The following MYO1D variants were observed in gnomAD, a reference collection of about 807,000 sequenced individuals.
MYO1D encodes the protein myosin ID, also known as unconventional myosin-Id.
A neutral mutation model predicts 122.0 loss-of-function variants in MYO1D; 83 were observed. The ratio of observed to expected loss-of-function variants is 0.68; its 90% confidence interval spans 0.57 to 0.82. The LOEUF (loss-of-function observed/expected upper bound fraction) is 0.82, where lower values mean the gene tolerates loss of function less well. MYO1D is among the 40% of genes least tolerant of loss of function. MYO1D has a pLI of 0.00. For missense variants in MYO1D, 1,157 were observed against 1,269.5 expected (o/e 0.91, Z 1.35); for synonymous variants, 464 against 446.9 (o/e 1.04, Z -0.48).
rs112255446 is a variant in MYO1D, at chr17:32,635,131, G to GC, written c.2709+3590dup. On this transcript the variant is annotated intron_variant, in intron 20 of 21. Transcript: ENST00000318217. Reference sequence around the variant, plus strand: ...GAGACACTGTGTTCAATATGTTACTGCAAGATGAAACTCTAATGGTTTGCT... The same window carrying GC: ...GAGACACTGTGTTCAATATGTTACTGCCAAGATGAAACTCTAATGGTTTGCT... 8.6e-4 allele frequency among the ~76,000 whole-genome samples: 131 copies of GC among 152,312 alleles called. 1 individual carries two copies. Among genetic ancestry groups the GC allele is most frequent in the African/African-American group, 2.8e-3 (117 of 41,564 alleles).
chr17:32,500,102 C>T (rs560167376), intron 21 of MYO1D, among the ~76,000 whole-genome samples: 4 of 152,344 alleles, frequency 2.6e-5, no homozygotes, highest in South Asian at 4.1e-4. Context: ...CAGCTGCATG[C>T]GTGGTGCTGC....
intron 1 of MYO1D, among the ~76,000 whole-genome samples, chr17:32,850,130 A>T (rs2090973396): frequency 6.6e-6 from 1 of 152,116 alleles, no homozygotes; most frequent in Admixed American, 6.6e-5. Context: ...TTGGGAAATA[A>T]CTTTTTTTTT....
rs77746202 is a variant in MYO1D, at chr17:32,735,813, C to T, written c.1746+2440G>A. ...TATCACTAGTTTATCTGTATTAATACTTGCTTTCTTAAATTCTATGTTCTT... is the reference window on the plus strand; with the variant it reads ...TATCACTAGTTTATCTGTATTAATATTTGCTTTCTTAAATTCTATGTTCTT... On this transcript the variant is annotated intron_variant, in intron 14 of 21. Transcript: ENST00000318217. Among the ~76,000 whole-genome samples the T allele has an allele frequency of 7.4e-3, 1,131 of 151,966 alleles. 20 individuals carry two copies. The highest frequency in any genetic ancestry group is 0.026 in the African/African-American group (1,080 of 41,432).
intron 21 of MYO1D, among the ~76,000 whole-genome samples, chr17:32,557,966 A>T (rs999789250): frequency 2.0e-5 from 3 of 152,056 alleles, no homozygotes; most frequent in African/African-American, 7.2e-5. Context: ...GTTCCCATAA[A>T]ATGTTATTTA....
At chr17:32,726,435 G>C (rs1313505929) in intron 14 of MYO1D, among the ~76,000 whole-genome samples, 1 of 146,520 alleles carries the variant, frequency 6.8e-6, no homozygotes. Flanking sequence ...AAAAAGAAAA[G>C]AAAAAGAAAA....
chr17:32,590,365 G>A (rs567003381), intron 21 of MYO1D, among the ~76,000 whole-genome samples: 2 of 152,288 alleles, frequency 1.3e-5, no homozygotes, highest in Non-Finnish European at 2.9e-5. Context: ...TGCTCTGCCA[G>A]GGATCTCCTG....
At chr17:32,730,992 T>C (rs936648000) in intron 14 of MYO1D, among the ~76,000 whole-genome samples, 1 of 150,460 alleles carries the variant, frequency 6.6e-6, no homozygotes, top group Non-Finnish European at 1.5e-5. Flanking sequence ...CTGCAACCTC[T>C]GCCTCCCGGG....
chr17:32,763,857 T>C (rs767640743), intron 8 of MYO1D, among the ~76,000 whole-genome samples: 15 of 152,046 alleles, frequency 9.9e-5, no homozygotes, highest in Non-Finnish European at 1.6e-4. Context: ...GAGGTGGAGG[T>C]TGCAGTGAGC....
chr17:32,573,913 G>A (rs2087253611), intron 21 of MYO1D, among the ~76,000 whole-genome samples: 1 of 151,992 alleles, frequency 6.6e-6, no homozygotes, highest in African/African-American at 2.4e-5. Flanking sequence ...GTGCAGTGGC[G>A]CAATCTCGAC....
chr17:32,588,636 A>AT (rs912103421), intron 21 of MYO1D, among the ~76,000 whole-genome samples: 3 of 152,296 alleles, frequency 2.0e-5, no homozygotes, highest in Admixed American at 1.3e-4. Flanking sequence ...TGGTGAACTA[A>AT]TTTTTAAAAT....
intron 19 of MYO1D, among the ~76,000 whole-genome samples, chr17:32,650,562 T>A (rs1164942755): frequency 6.6e-6 from 1 of 152,176 alleles, no homozygotes; most frequent in Non-Finnish European, 1.5e-5. Context: ...TCTAACAGCT[T>A]CCTGATGCTT....
At chr17:32,633,882 A>G (rs925103977) in intron 20 of MYO1D, among the ~76,000 whole-genome samples, 2 of 151,990 alleles carry the variant, frequency 1.3e-5, no homozygotes, top group African/African-American at 4.8e-5. Flanking sequence ...CACACGTTCT[A>G]TCTTCTTTCC....
chr17:32,698,718 TTATTA>T (rs2089206678), intron 16 of MYO1D, among the ~76,000 whole-genome samples: 1 of 152,120 alleles, frequency 6.6e-6, no homozygotes, highest in Non-Finnish European at 1.5e-5. Context: ...TAATTAACAG[TTATTA>T]TATTATTCTC....
In MYO1D at chr17:32,630,873, G is replaced by A. The variant is rs370713102; in HGVS notation, c.2709+7849C>T. 7.1e-4 allele frequency among the ~76,000 whole-genome samples: 108 copies of A among 152,130 alleles called. 1 individual carries two copies. The highest frequency in any genetic ancestry group is 2.6e-3 in the Admixed American group (39 of 15,260). On this transcript the variant is annotated intron_variant, in intron 20 of 21. Transcript: ENST00000318217. ...CAGGCATGAGCCACCACGCCCTGCC[G>A]GTAGAGTTGTTCTTCTGACGGCTTC...
intron 1 of MYO1D, among the ~76,000 whole-genome samples, chr17:32,873,522 T>C (rs1205963940): frequency 6.6e-6 from 1 of 152,162 alleles, no homozygotes; most frequent in Non-Finnish European, 1.5e-5. Context: ...CAACCACCAA[T>C]ATTCCAGGAG....
At chr17:32,505,829 T>C (rs1298904620) in intron 21 of MYO1D, among the ~76,000 whole-genome samples, 1 of 152,002 alleles carries the variant, frequency 6.6e-6, no homozygotes, top group Non-Finnish European at 1.5e-5. Flanking sequence ...AGGGAGATAA[T>C]GAAAATACAG....
intron 1 of MYO1D, among the ~76,000 whole-genome samples, chr17:32,867,469 A>G (rs2091137279): frequency 6.6e-6 from 1 of 152,096 alleles, no homozygotes; most frequent in African/African-American, 2.4e-5. Context: ...ACCCCCACCA[A>G]AGTACCCAAC....
intron 21 of MYO1D, among the ~76,000 whole-genome samples, chr17:32,558,317 G>C (rs2087086042): frequency 1.3e-5 from 2 of 152,192 alleles, no homozygotes; most frequent in African/African-American, 4.8e-5. Context: ...ACAGAAGATG[G>C]AGCAGCAAGG....
At chr17:32,800,366 T>TA (rs934580831) in intron 1 of MYO1D, among the ~76,000 whole-genome samples, 4 of 152,166 alleles carry the variant, frequency 2.6e-5, no homozygotes, top group Admixed American at 1.3e-4. Context: ...AGCTTTTATT[T>TA]AAAAAAATAG....
Sources: allele counts gnomAD v4.1 joint callset (sites outside exome capture counted in the v4.1 genomes callset), GRCh38; gene constraint gnomAD v4.1.1; transcripts MANE v1.5; gene names NCBI Gene and HGNC (gene_info 2026-07-23, HGNC 2026-07-21).